The following EIF5B variants were observed in gnomAD, a reference collection of about 807,000 sequenced individuals.
The protein encoded by EIF5B is eukaryotic translation initiation factor 5B, also known as eIF-5B.
EIF5B carries 47 observed loss-of-function variants against 147.5 expected under a neutral mutation model. The observed-to-expected ratio is 0.32, with a 90% CI of 0.25 to 0.41. The LOEUF is 0.41. Among genes scored for constraint, EIF5B ranks in the 10% least tolerant of loss-of-function variants. EIF5B has a pLI of 1.00. For missense variants in EIF5B, 1,064 were observed against 1,413.2 expected (o/e 0.75, Z 3.96); for synonymous variants, 455 against 456.2 (o/e 1.00, Z 0.03).
intron 8 of EIF5B, among the ~76,000 whole-genome samples, chr2:99,370,973 A>G (rs1674432775): frequency 1.3e-5 from 2 of 152,326 alleles, no homozygotes; most frequent in South Asian, 4.1e-4. Context: ...TGCATAAAGT[A>G]TGAGTTGGAT....
chr2:99,389,592 G>A, intron 14 of EIF5B, 126 bp from the exon 15 acceptor site: 2 of 585,502 alleles, frequency 3.4e-6, no homozygotes, highest in Non-Finnish European at 4.8e-6. Flanking sequence ...GTACAATAAA[G>A]TGTATGAGTA....
At chr2:99,354,794 T>C (rs1344401564) in intron 1 of EIF5B, among the ~76,000 whole-genome samples, 3 of 110,298 alleles carry the variant, frequency 2.7e-5, no homozygotes, top group Admixed American at 1.2e-4. Flanking sequence ...TAATTGGTTG[T>C]ACTTTTTTTT....
intron 18 of EIF5B, 50 bp from the exon 19 acceptor site, chr2:99,394,217 T>C (rs551751868): frequency 6.4e-7 from 1 of 1,560,996 alleles, no homozygotes; most frequent in Admixed American, 2.1e-5. Context: ...TCTAGACTGC[T>C]GAGGATAGAG....
chr2:99,363,516 A>G (rs1674264500), intron 4 of EIF5B, 129 bp from the exon 5 acceptor site: 2 of 901,402 alleles, frequency 2.2e-6, no homozygotes, highest in Non-Finnish European at 3.5e-6. Flanking sequence ...TGATGCCTGT[A>G]GAACTTAGCC....
chr2:99,341,766 A>G (rs1444038804), intron 1 of EIF5B, among the ~76,000 whole-genome samples: 3 of 152,226 alleles, frequency 2.0e-5, no homozygotes. Context: ...ACACTATGAT[A>G]CATAACATTA....
chr2:99,386,478 TGTGTGTGTG>T (rs1674810471), intron 14 of EIF5B, among the ~76,000 whole-genome samples: 1 of 54,584 alleles, frequency 1.8e-5, no homozygotes, highest in Non-Finnish European at 3.9e-5. Context: ...CGTGTGTGTG[TGTGTGTGTG>T]TGTGTGTGTG....
intron 1 of EIF5B, among the ~76,000 whole-genome samples, chr2:99,341,998 G>C (rs974019260): frequency 6.6e-6 from 1 of 152,120 alleles, no homozygotes; most frequent in Admixed American, 6.5e-5. Flanking sequence ...AAATAGTTTT[G>C]ACCCCCTAAA....
chr2:99,381,518 GGTGTGTGTGT>G (rs56686088), intron 12 of EIF5B, among the ~76,000 whole-genome samples: 38 of 142,988 alleles, frequency 2.7e-4, no homozygotes, highest in South Asian at 1.6e-3. Context: ...ACAAAAAGGG[GGTGTGTGTGT>G]GTGTGTGTGT....
chr2:99,360,705 TGTAAAG>T (rs1674191228), intron 3 of EIF5B, among the ~76,000 whole-genome samples, 156 bp downstream of exon 3: 2 of 59,714 alleles, frequency 3.3e-5, no homozygotes, highest in East Asian at 2.8e-3. Context: ...AAAATAGGAA[TGTAAAG>T]GTATTTTGTG....
chr2:99,337,405 G>C lies in EIF5B; in HGVS notation c.-150G>C. The C allele has an allele frequency of 1.0e-6, 1 of 956,770 alleles. No homozygotes were observed. Among genetic ancestry groups the C allele is most frequent in the Non-Finnish European group, 1.6e-6 (1 of 610,406 alleles). 59.3% of individuals were successfully genotyped at this position (956,770 alleles called of 1,614,324 possible). A position where few individuals can be genotyped will look rare whatever the true frequency, so the allele number is the denominator to read the frequency against. ...TGAGAACTCACACCATATGTGTCCT[G>C]TTCCAGTGCGCGGGTCTGTGGAGAG... is the stretch of plus-strand genomic sequence containing the variant. On this transcript the variant is annotated 5_prime_UTR_variant, in exon 1 of 24. Transcript: ENST00000289371.
chr2:99,389,835 G>T lies in EIF5B; in HGVS notation c.2389G>T (p.Glu797Ter). The T allele has an allele frequency of 1.2e-6, 2 of 1,610,054 alleles. No individual in the cohort carries two copies. Among genetic ancestry groups the T allele is most frequent in the Non-Finnish European group, 1.7e-6 (2 of 1,178,866 alleles). ...FEERAKAIIV[E>*]FAQQGLNAAL... The stretch of plus-strand genomic sequence containing the variant: ...GGAGCGAGCAAAGGCTATTATTGTA[G>T]AATTTGCACAGCAGGTAAGAAGGCC... The change falls in exon 15 of 24, where the codon GAA (glutamate) becomes TAA (stop). Residue 797 changes from glutamate to a stop codon, truncating the protein, a stop_gained. Coordinates refer to ENST00000289371, the MANE Select transcript of EIF5B (RefSeq NM_015904.4). LOFTEE classifies it high-confidence loss of function.
In EIF5B at chr2:99,361,474, T is replaced by G. The variant is rs746786768; in HGVS notation, c.573T>G (p.Asp191Glu). ...CTGGTGAAAGTGGTGATGAATCAGA[T>G]GAATTTTTGCAATCTAGAAAAGGAC... Reference protein sequence around the residue: ...NSSGESGDESDEFLQSRKGQK... With the variant: ...NSSGESGDESEEFLQSRKGQK... Residue 191 changes from aspartate to glutamate, a missense_variant, in exon 4 of 24, where the codon GAT (aspartate) becomes GAG (glutamate). Physicochemically the swap from Asp to Glu is conservative, Grantham distance 45. This residue lies in a region of EIF5B where 458 missense variants were observed against 451.3 expected (regional missense o/e 1.01). Transcript: ENST00000289371. 1 of 1,613,980 alleles carries G rather than the reference T, an allele frequency of 6.2e-7. No individual in the cohort carries two copies. Among genetic ancestry groups the G allele is most frequent in the Non-Finnish European group, 8.5e-7 (1 of 1,179,992 alleles).
intron 1 of EIF5B, among the ~76,000 whole-genome samples, chr2:99,359,225 C>G (rs1044873778): frequency 6.6e-6 from 1 of 151,366 alleles, no homozygotes; most frequent in Non-Finnish European, 1.5e-5. Context: ...AAAAATGAAC[C>G]GGGCATGGTG....
rs1674214697 is a variant in EIF5B, at chr2:99,361,537, A to G, written c.636A>G (p.Ile212Met). 3 of 1,613,952 alleles carry G rather than the reference A, an allele frequency of 1.9e-6. No individual in the cohort carries two copies. Among genetic ancestry groups the G allele is most frequent in the Non-Finnish European group, 2.5e-6 (3 of 1,179,992 alleles). ...KNQKNKPGPN[I>M]ESGNEDDDAS... is the part of the protein sequence containing the mutation. Reference sequence around the variant, plus strand: ...AGAAAAACAAGCCAGGTCCTAACATAGAAAGTGGGAATGAAGATGATGACG... The same window carrying G: ...AGAAAAACAAGCCAGGTCCTAACATGGAAAGTGGGAATGAAGATGATGACG... The change falls in exon 4 of 24, where the codon ATA becomes ATG. Residue 212 changes from isoleucine (I) to methionine (M), a missense_variant. By Grantham distance (10) the Ile-to-Met change is conservative. Transcript: ENST00000289371.
At chr2:99,366,271 G>A (rs1674326855) in intron 6 of EIF5B, among the ~76,000 whole-genome samples, 1 of 152,180 alleles carries the variant, frequency 6.6e-6, no homozygotes, top group South Asian at 2.1e-4. Flanking sequence ...TGAGACTAGA[G>A]CAGTAGTCAG....
Position 99,360,341 on chromosome 2 carries a change from GA to G in EIF5B, c.149del (p.Lys50SerfsTer10), listed in dbSNP as rs749961066. On this transcript the variant is annotated frameshift_variant, in exon 2 of 24. Coordinates refer to ENST00000289371, the MANE Select transcript of EIF5B (RefSeq NM_015904.4). LOFTEE classifies it high-confidence loss of function. ...QKSKGKKKKE[K>X]KKQDFDEDDI... ...AGTCAAAAGGGAAAAAGAAAAAAGA[GA>G]AAAAAAAGCAGGACTTTGAGTAAGT... 4.2e-5 allele frequency: 67 copies of G among 1,604,138 alleles called. No homozygotes were observed. Among genetic ancestry groups the G allele is most frequent in the Non-Finnish European group, 5.5e-5 (65 of 1,175,630 alleles).
At chr2:99,386,709 G>A (rs191562985) in intron 14 of EIF5B, among the ~76,000 whole-genome samples, 5 of 150,630 alleles carry the variant, frequency 3.3e-5, no homozygotes, top group African/African-American at 1.2e-4. Flanking sequence ...GTTTTTTTCT[G>A]GGGGGCGGGG....
At chr2:99,338,173 G>GT (rs11326784) in intron 1 of EIF5B, 213 of 476,952 alleles carry the variant, frequency 4.5e-4, no homozygotes, top group South Asian at 1.4e-3. Flanking sequence ...CTTCCGGCCT[G>GT]TTTTTTTTTG....
intron 10 of EIF5B, 102 bp from the exon 11 acceptor site, chr2:99,378,917 T>C: frequency 2.4e-6 from 2 of 834,126 alleles, no homozygotes; most frequent in Non-Finnish European, 3.5e-6. Flanking sequence ...AGAACTTGGA[T>C]GCAGGTTGTA....
Sources: gnomAD v4.1 joint callset for allele counts (sites outside exome capture counted in the v4.1 genomes callset) on GRCh38, gnomAD v4.1.1 for gene constraint, gnomAD v4.1.1 regional missense constraint, MANE v1.5 for transcripts, NCBI Gene and HGNC (gene_info 2026-07-23, HGNC 2026-07-21) for gene names.